Variants in TAF2 observed in about 807,000 individuals in gnomAD.
The protein encoded by TAF2 is transcription initiation factor TFIID subunit 2.
TAF2 carries 61 observed loss-of-function variants against 138.5 expected under a neutral mutation model. The ratio of observed to expected loss-of-function variants is 0.44; its 90% CI spans 0.36 to 0.54. The LOEUF is 0.54. Among genes scored for constraint, TAF2 ranks in the 20% least tolerant of loss-of-function variants. The pLI is 0.00. For synonymous variants in TAF2, 475 were observed against 469.9 expected, an observed-to-expected ratio of 1.01 and a Z score of -0.14; for missense variants, 1,090 against 1,427.9, an observed-to-expected ratio of 0.76 and a Z score of 3.81.
At position 119,780,663 on chromosome 8, in the gene TAF2, C is replaced by T. The variant is rs186616201; in HGVS notation, c.2253+390G>A. Among the ~76,000 whole-genome samples, 257 of 152,214 alleles carry T rather than the reference C, an allele frequency of 1.7e-3. 1 individual carries two copies. Among genetic ancestry groups the T allele is most frequent in the African/African-American group, 5.6e-3 (234 of 41,544 alleles). On this transcript the variant is annotated intron_variant, in intron 17 of 25. Coordinates refer to ENST00000378164, the MANE Select transcript of TAF2 (RefSeq NM_003184.4). ...TAAAAGTAAAAAAAGAGGCCGGGCG[C>T]GGTGGCTCACACCTGTAATCTCAGC...
chr8:119,741,987 C>G (rs1819629158), intron 25 of TAF2, among the ~76,000 whole-genome samples: 1 of 152,144 alleles, frequency 6.6e-6, no homozygotes, highest in South Asian at 2.1e-4. Context: ...ACAAACACAT[C>G]TGAATTAAAT....
intron 25 of TAF2, among the ~76,000 whole-genome samples, chr8:119,735,077 G>A (rs1438895104): frequency 6.6e-6 from 1 of 152,088 alleles, no homozygotes; most frequent in Admixed American, 6.6e-5. Flanking sequence ...GGTGGTACTG[G>A]CAGGTCTGAG....
In TAF2 at chr8:119,802,023, A is replaced by T. The variant is rs1242467095; in HGVS notation, c.563T>A (p.Phe188Tyr). Reference sequence around the variant, plus strand: ...GTATGAATCAACACAAGGGAACCAAAATCTAGAAAAAAGATTGACAGTATA... The same window carrying T: ...GTATGAATCAACACAAGGGAACCAATATCTAGAAAAAAGATTGACAGTATA... Reference protein sequence around the residue: ...FSCGYQNSTRFWFPCVDSYSE... With the variant: ...FSCGYQNSTRYWFPCVDSYSE... Residue 188 changes from phenylalanine (F) to tyrosine (Y), a missense_variant and splice_region_variant, in exon 6 of 26, where the codon TTT (phenylalanine) becomes TAT (tyrosine). Phe to Tyr is a conservative substitution (Grantham distance 22, BLOSUM62 3). Transcript: ENST00000378164. The T allele has an allele frequency of 6.2e-7, 1 of 1,611,158 alleles. No homozygotes were observed. Among genetic ancestry groups the T allele is most frequent in the Non-Finnish European group, 8.5e-7 (1 of 1,177,828 alleles).
At chr8:119,805,521 C>T (rs1767044340) in intron 4 of TAF2, among the ~76,000 whole-genome samples, 1 of 151,994 alleles carries the variant, frequency 6.6e-6, no homozygotes, top group African/African-American at 2.4e-5. Context: ...GCCTGGCCAA[C>T]ATGATGAAAC....
At chr8:119,779,886 C>T (rs1169923351) in intron 17 of TAF2, among the ~76,000 whole-genome samples, 2 of 152,212 alleles carry the variant, frequency 1.3e-5, no homozygotes, top group African/African-American at 4.8e-5. Context: ...GCTCAGCCGT[C>T]TCTATTTACT....
At chr8:119,789,192 A>C (rs1211645403) in intron 12 of TAF2, among the ~76,000 whole-genome samples, 1 of 152,206 alleles carries the variant, frequency 6.6e-6, no homozygotes, top group Non-Finnish European at 1.5e-5. Flanking sequence ...AAAAACTGCA[A>C]AATTCCAAGA....
chr8:119,752,679 T>C (rs1228475876), intron 22 of TAF2, among the ~76,000 whole-genome samples: 1 of 152,204 alleles, frequency 6.6e-6, no homozygotes, highest in Non-Finnish European at 1.5e-5. Flanking sequence ...TTCTCTCTCG[T>C]TGAAAAGTTT....
intron 18 of TAF2, among the ~76,000 whole-genome samples, chr8:119,765,058 C>A (rs1415644240): frequency 6.6e-6 from 1 of 152,084 alleles, no homozygotes; most frequent in Non-Finnish European, 1.5e-5. Context: ...TAATTTATCT[C>A]CACTGTTGTG....
chr8:119,770,032 C>T lies in TAF2; in HGVS notation c.2365-7424G>A, dbSNP rs1427016400. The stretch of plus-strand genomic sequence containing the variant: ...TCAGCCTCCCAAAGTGCTGGGATTA[C>T]CGGTGTAAGCCACTGCACGCAGCCC... On this transcript the variant is annotated intron_variant, in intron 18 of 25. Transcript: ENST00000378164. Among the ~76,000 whole-genome samples the T allele has an allele frequency of 2.0e-5, 3 of 151,174 alleles. 1 individual carries two copies. The East Asian group carries it at 5.9e-4, about 30-fold the overall frequency.
chr8:119,774,902 T>C (rs1822111368), intron 18 of TAF2, among the ~76,000 whole-genome samples: 2 of 151,892 alleles, frequency 1.3e-5, no homozygotes, highest in Admixed American at 1.3e-4. Flanking sequence ...GCTATTTTAA[T>C]GCAACATACA....
At chr8:119,823,789 T>C (rs1252566704) in intron 2 of TAF2, among the ~76,000 whole-genome samples, 1 of 152,188 alleles carries the variant, frequency 6.6e-6, no homozygotes, top group Non-Finnish European at 1.5e-5. Context: ...GCGGGAAAGT[T>C]TGGAACTTCC....
intron 14 of TAF2, 99 bp downstream of exon 14, chr8:119,788,239 T>TA: frequency 1.1e-5 from 11 of 1,027,112 alleles, no homozygotes; most frequent in East Asian, 2.5e-5. Flanking sequence ...AAGTATAATT[T>TA]AAAAAAAATT....
chr8:119,831,639 G>C (rs1423605043), intron 2 of TAF2, 38 bp downstream of exon 2: 1 of 1,462,886 alleles, frequency 6.8e-7, no homozygotes, highest in African/African-American at 1.4e-5. Flanking sequence ...CTTTATAGTG[G>C]ACTTGTTACT....
intron 18 of TAF2, among the ~76,000 whole-genome samples, chr8:119,772,503 G>A (rs564096580): frequency 3.3e-5 from 5 of 152,182 alleles, no homozygotes; most frequent in South Asian, 2.1e-4. Context: ...TGGGTACAAC[G>A]GTTACTACTC....
rs1053802607 is a variant in TAF2, at chr8:119,762,745, T to C, written c.2365-137A>G. 3 of 689,620 alleles carry C rather than the reference T, an allele frequency of 4.4e-6. No individual in the cohort carries two copies. The African/African-American group carries it at 5.4e-5, about 12-fold the overall frequency. 42.7% of individuals were successfully genotyped at this position (689,620 alleles called of 1,614,324 possible). On this transcript the variant is annotated intron_variant, in intron 18 of 25. Transcript: ENST00000378164. ...CACAAGCAAGTCCTCTGGTAAACAT[T>C]CAACTCCACCCTTTGCATGTGGTCA...
intron 18 of TAF2, among the ~76,000 whole-genome samples, chr8:119,768,857 A>G (rs1821631317): frequency 6.6e-6 from 1 of 151,990 alleles, no homozygotes. Context: ...GCGTGAAACC[A>G]CTCCAGTGGA....
At chr8:119,806,465 C>A in intron 3 of TAF2, 64 bp from the exon 4 acceptor site, 339 of 992,946 alleles carry the variant, frequency 3.4e-4, no homozygotes, top group Non-Finnish European at 4.3e-4. Flanking sequence ...ATTTTTCTTT[C>A]TTTCTTTTTT....
intron 2 of TAF2, 81 bp from the exon 3 acceptor site, chr8:119,819,587 C>T: frequency 9.4e-6 from 11 of 1,172,706 alleles, no homozygotes; most frequent in Non-Finnish European, 1.3e-5. Flanking sequence ...ACCACTTGTA[C>T]ACATATTATA....
At chr8:119,812,745 GTGTGTGTA>G (rs377121107) in intron 3 of TAF2, among the ~76,000 whole-genome samples, 3,768 of 116,238 alleles carry the variant, frequency 0.032, 86 homozygotes, top group African/African-American at 0.12. Flanking sequence ...GTGTGTGTGT[GTGTGTGTA>G]TATATGTGTG....
Sources: gnomAD v4.1 joint callset for allele counts (sites outside exome capture counted in the v4.1 genomes callset) on GRCh38, gnomAD v4.1.1 for gene constraint, MANE v1.5 for transcripts, NCBI Gene and HGNC (gene_info 2026-07-23, HGNC 2026-07-21) for gene names.